ENPP6: variants seen among roughly 807,000 people sequenced by gnomAD.
ENPP6 encodes ectonucleotide pyrophosphatase/phosphodiesterase 6, also known as glycerophosphocholine cholinephosphodiesterase ENPP6.
In ENPP6, 32 loss-of-function variants were observed where a neutral mutation model predicts 42.0. That is an observed-to-expected ratio of 0.76 (90% CI 0.58 to 1.02). The LOEUF (loss-of-function observed/expected upper bound fraction) is 1.02, where lower values mean the gene tolerates loss of function less well. ENPP6 is among the 50% of genes least tolerant of loss of function. ENPP6 has a pLI of 0.00. For synonymous variants in ENPP6, 213 were observed against 216.0 expected, an observed-to-expected ratio of 0.99 and a Z score of 0.12; for missense variants, 552 against 566.8, an observed-to-expected ratio of 0.97 and a Z score of 0.27.
At chr4:184,122,868 G>GCAAT (rs1017838187) in intron 3 of ENPP6, among the ~76,000 whole-genome samples, 1 of 152,194 alleles carries the variant, frequency 6.6e-6, no homozygotes, top group African/African-American at 2.4e-5. Flanking sequence ...TAGACATGGA[G>GCAAT]CAATGTCCAA....
chr4:184,133,224 C>A (rs997559263), intron 2 of ENPP6, among the ~76,000 whole-genome samples: 4 of 151,982 alleles, frequency 2.6e-5, no homozygotes, highest in African/African-American at 4.8e-5. Context: ...TACAGTGAAT[C>A]TGTAGATCCA....
chr4:184,125,055 T>C (rs918083325), intron 2 of ENPP6, among the ~76,000 whole-genome samples: 1 of 152,232 alleles, frequency 6.6e-6, no homozygotes, highest in African/African-American at 2.4e-5. Context: ...TCAGACGTAC[T>C]GGAAACAGGA....
chr4:184,206,397 A>C (rs1732999276), intron 1 of ENPP6, among the ~76,000 whole-genome samples: 1 of 105,700 alleles, frequency 9.5e-6, no homozygotes, highest in Non-Finnish European at 1.9e-5. Context: ...AGCTGGGACT[A>C]CAGGCGGGCG....
At chr4:184,115,721 A>C (rs1040488486) in intron 5 of ENPP6, among the ~76,000 whole-genome samples, 2 of 152,184 alleles carry the variant, frequency 1.3e-5, no homozygotes, top group African/African-American at 2.4e-5. Context: ...TTCCAACTGA[A>C]CACAGAGCTG....
chr4:184,139,139 T>C (rs1327796172), intron 2 of ENPP6, among the ~76,000 whole-genome samples: 2 of 152,174 alleles, frequency 1.3e-5, no homozygotes, highest in Non-Finnish European at 2.9e-5. Flanking sequence ...TGCAGAATGG[T>C]CTCTCCACAG....
At chr4:184,154,508 A>C (rs1354247116) in intron 1 of ENPP6, among the ~76,000 whole-genome samples, 1 of 152,250 alleles carries the variant, frequency 6.6e-6, no homozygotes, top group African/African-American at 2.4e-5. Context: ...ATTTGGCACC[A>C]GGACGAAACA....
chr4:184,204,376 C>G (rs1247497054), intron 1 of ENPP6, among the ~76,000 whole-genome samples: 2 of 152,160 alleles, frequency 1.3e-5, no homozygotes, highest in African/African-American at 4.8e-5. Flanking sequence ...GGGACAGAGG[C>G]TGAAAACACA....
chr4:184,102,088 C>A (rs4458487), intron 6 of ENPP6, among the ~76,000 whole-genome samples: 24,687 of 152,204 alleles, frequency 0.16, 2,129 homozygotes, highest in African/African-American at 0.22. Context: ...CTAGACCAGG[C>A]CTTTGTCTCA....
chr4:184,153,524 G>C (rs1463734312), intron 2 of ENPP6, 30 bp downstream of exon 2: 2 of 1,588,550 alleles, frequency 1.3e-6, no homozygotes, highest in Non-Finnish European at 1.7e-6. Flanking sequence ...ATGATGATTT[G>C]AGATTTGGAA....
At chr4:184,130,212 G>A (rs1736571778) in intron 2 of ENPP6, among the ~76,000 whole-genome samples, 3 of 152,024 alleles carry the variant, frequency 2.0e-5, no homozygotes, top group African/African-American at 7.2e-5. Flanking sequence ...GAAACTATAG[G>A]GCAACAAGCA....
rs772809482 is a variant in ENPP6, at chr4:184,153,591, G to A, written c.384C>T (p.Thr128=). The change falls in exon 2 of 8, where the codon ACC becomes ACT. Residue 128 remains threonine (T), a synonymous_variant. Transcript: ENST00000296741. Reference sequence around the variant, plus strand: ...ACATGTAGACCTTCCTTTTGGCCTTGGTCAGAGTGACCCACAGAGGTTCTG... The same window carrying A: ...ACATGTAGACCTTCCTTTTGGCCTTAGTCAGAGTGACCCACAGAGGTTCTG... The part of the protein sequence containing the change: ...NGSEPLWVTL[T]KAKRKVYMYY... 2 of 1,614,094 alleles carry A rather than the reference G, an allele frequency of 1.2e-6. No homozygotes were observed. The highest frequency in any genetic ancestry group is 2.2e-5 in the East Asian group (1 of 44,882).
At chr4:184,130,910 C>T (rs1041334853) in intron 2 of ENPP6, among the ~76,000 whole-genome samples, 1 of 152,188 alleles carries the variant, frequency 6.6e-6, no homozygotes, top group Non-Finnish European at 1.5e-5. Context: ...CACTATTTAT[C>T]TATCCTAAAG....
At chr4:184,205,431 G>A (rs1178483289) in intron 1 of ENPP6, among the ~76,000 whole-genome samples, 1 of 152,234 alleles carries the variant, frequency 6.6e-6, no homozygotes, top group East Asian at 1.9e-4. Context: ...CAGAAGGGAA[G>A]CAGCCAGGAG....
intron 5 of ENPP6, among the ~76,000 whole-genome samples, chr4:184,113,936 T>TTTCC (rs1250548447): frequency 7.4e-5 from 11 of 148,204 alleles, no homozygotes; most frequent in Admixed American, 1.4e-4. Flanking sequence ...TCTTTCTTTC[T>TTTCC]TTCTTTCTTT....
At chr4:184,214,114 T>C (rs946738745) in intron 1 of ENPP6, among the ~76,000 whole-genome samples, 4 of 140,146 alleles carry the variant, frequency 2.9e-5, no homozygotes, top group African/African-American at 1.1e-4. Context: ...GCGGGAGGGA[T>C]AGCATTGGGA....
intron 1 of ENPP6, among the ~76,000 whole-genome samples, chr4:184,204,614 C>T (rs757997441): frequency 3.3e-4 from 50 of 152,220 alleles, no homozygotes; most frequent in Admixed American, 5.2e-4. Flanking sequence ...GTTAAACTTT[C>T]TCCCACCATC....
At chr4:184,135,206 T>C (rs149407973) in intron 2 of ENPP6, among the ~76,000 whole-genome samples, 1 of 152,274 alleles carries the variant, frequency 6.6e-6, no homozygotes, top group African/African-American at 2.4e-5. Flanking sequence ...TTCAATCAGG[T>C]AAAAATGTTA....
Position 184,199,047 on chromosome 4 carries a change from C to T in ENPP6, c.241+18532G>A, listed in dbSNP as rs567578619. Among the ~76,000 whole-genome samples the T allele has an allele frequency of 2.1e-3, 322 of 152,272 alleles. 14 individuals are homozygous for T. The South Asian group carries it at 0.062, about 29-fold the overall frequency. ...AAGGAGAGAGGCCGCCTCCATGCCA[C>T]GAAGCATATGTGACCAGAGACCAAG... On this transcript the variant is annotated intron_variant, in intron 1 of 7. Transcript: ENST00000296741.
At chr4:184,162,671 C>T (rs1737286595) in intron 1 of ENPP6, among the ~76,000 whole-genome samples, 1 of 152,158 alleles carries the variant, frequency 6.6e-6, no homozygotes, top group African/African-American at 2.4e-5. Flanking sequence ...GGATAGTCCT[C>T]ATGCCAGTAA....
Sources: allele counts gnomAD v4.1 joint callset (sites outside exome capture counted in the v4.1 genomes callset), GRCh38; gene constraint gnomAD v4.1.1; transcripts MANE v1.5; gene names NCBI Gene and HGNC (gene_info 2026-07-23, HGNC 2026-07-21).